Variants in ANKRD44 observed in about 807,000 individuals in gnomAD.
ANKRD44 encodes the protein ankyrin repeat domain 44.
A neutral mutation model predicts 116.0 loss-of-function variants in ANKRD44; 35 were observed. The observed-to-expected ratio is 0.30, with a 90% CI of 0.23 to 0.40. ANKRD44 has a LOEUF of 0.40. Among genes scored for constraint, ANKRD44 ranks in the 10% least tolerant of loss-of-function variants. ANKRD44 has a pLI of 1.00. For missense variants in ANKRD44, 1,014 were observed against 1,242.6 expected, an observed-to-expected ratio of 0.82 and a Z score of 2.77; for synonymous variants, 435 against 461.8, an observed-to-expected ratio of 0.94 and a Z score of 0.74.
intron 3 of ANKRD44, among the ~76,000 whole-genome samples, chr2:197,146,589 A>C (rs765682825): frequency 6.6e-6 from 1 of 150,384 alleles, no homozygotes; most frequent in Non-Finnish European, 1.5e-5. Flanking sequence ...TAGTGTATAC[A>C]TGCTATACAT....
In ANKRD44 at chr2:197,099,939, G is replaced by A; in HGVS notation, c.986-9C>T. 1.2e-6 allele frequency: 2 copies of A among 1,612,798 alleles called. No individual in the cohort carries two copies. The highest frequency in any genetic ancestry group is 1.3e-5 in the African/African-American group (1 of 74,998). On this transcript the variant is annotated splice_polypyrimidine_tract_variant and intron_variant, in intron 9 of 27. Transcript: ENST00000282272. ...ACAGTCAATTTCACCTCCTGAAAGA[G>A]ATATTTTAATACAGGATAACGCAAG...
At position 196,995,463 on chromosome 2, in the gene ANKRD44, TA is replaced by T. The variant is rs759262120; in HGVS notation, c.2749-3del. On this transcript the variant is annotated splice_polypyrimidine_tract_variant and splice_region_variant and intron_variant, in intron 25 of 27. Coordinates refer to ENST00000282272, the MANE Select transcript of ANKRD44 (RefSeq NM_001195144.2). ...TAACAAGGCACATTTTTCATGACCC[TA>T]ATAAAGAAAAAGAATGATAAGAAAT... 15 of 1,594,242 alleles carry T rather than the reference TA, an allele frequency of 9.4e-6. No homozygotes were observed. In the African/African-American group the frequency reaches 1.9e-4, roughly 20 times the overall value.
intron 4 of ANKRD44, chr2:197,136,339 T>A: frequency 1.9e-6 from 1 of 521,512 alleles, no homozygotes; most frequent in Non-Finnish European, 3.4e-6. Flanking sequence ...CTTTGCCTCC[T>A]CCCCAGGCTG....
chr2:197,230,435 C>G (rs2081831030), intron 1 of ANKRD44, among the ~76,000 whole-genome samples: 1 of 152,014 alleles, frequency 6.6e-6, no homozygotes, highest in African/African-American at 2.4e-5. Context: ...CTCATCCCTT[C>G]CAATAAAGAT....
chr2:197,113,431 T>C (rs928964473), intron 8 of ANKRD44, among the ~76,000 whole-genome samples: 12 of 152,246 alleles, frequency 7.9e-5, no homozygotes, highest in African/African-American at 2.4e-4. Flanking sequence ...TAAATTTTGC[T>C]CCAGTGTTTT....
At position 197,285,499 on chromosome 2, in the gene ANKRD44, G is replaced by A. The variant is rs151193666; in HGVS notation, c.27+25079C>T. Among the ~76,000 whole-genome samples the A allele has an allele frequency of 3.4e-3, 524 of 152,260 alleles. 3 individuals carry two copies. Among genetic ancestry groups the A allele is most frequent in the Middle Eastern group, 0.034 (10 of 294 alleles). On this transcript the variant is annotated intron_variant, in intron 1 of 27. Coordinates refer to ENST00000282272, the MANE Select transcript of ANKRD44 (RefSeq NM_001195144.2). The stretch of plus-strand genomic sequence containing the variant: ...TTCTAGTTGACGCTGAAGCCTTAAT[G>A]CTTGACTCTAATGGAGGAGTCACTC...
chr2:197,122,886 C>A, intron 6 of ANKRD44, 94 bp from the exon 7 acceptor site: 1 of 1,440,288 alleles, frequency 6.9e-7, no homozygotes, highest in Non-Finnish European at 9.3e-7. Context: ...GCTTTCATCG[C>A]CACCAGTATT....
intron 16 of ANKRD44, among the ~76,000 whole-genome samples, chr2:197,045,963 C>T (rs939301767): frequency 6.6e-6 from 1 of 152,120 alleles, no homozygotes. Context: ...CAGAGATAAC[C>T]AACCGACATT....
intron 9 of ANKRD44, among the ~76,000 whole-genome samples, 174 bp downstream of exon 9, chr2:197,110,592 T>G (rs2078542128): frequency 6.6e-6 from 1 of 152,232 alleles, no homozygotes. Flanking sequence ...TTAAGGTGGA[T>G]GTTGATGACA....
intron 9 of ANKRD44, 105 bp downstream of exon 9, chr2:197,110,661 T>TGC: frequency 1.1e-6 from 1 of 925,704 alleles, no homozygotes; most frequent in African/African-American, 1.6e-5. Context: ...GCATGCTTAC[T>TGC]AAAACTCCAA....
chr2:197,030,526 A>G (rs2076685456), intron 16 of ANKRD44, among the ~76,000 whole-genome samples: 1 of 152,164 alleles, frequency 6.6e-6, no homozygotes, highest in African/African-American at 2.4e-5. Context: ...ACTGTCCCCG[A>G]ACATCAGCTA....
intron 1 of ANKRD44, among the ~76,000 whole-genome samples, chr2:197,282,170 G>A (rs1038631875): frequency 2.0e-5 from 3 of 152,112 alleles, no homozygotes; most frequent in Non-Finnish European, 2.9e-5. Flanking sequence ...AGAGAATGGC[G>A]TGAACCTGGG....
intron 2 of ANKRD44, among the ~76,000 whole-genome samples, chr2:197,152,870 T>A (rs2079690607): frequency 6.6e-6 from 1 of 152,088 alleles, no homozygotes; most frequent in Admixed American, 6.5e-5. Flanking sequence ...ATATCTTACA[T>A]ACCAAGACAG....
intron 25 of ANKRD44, among the ~76,000 whole-genome samples, chr2:196,996,277 A>T (rs2076010224): frequency 6.6e-6 from 1 of 152,230 alleles, no homozygotes; most frequent in Admixed American, 6.5e-5. Flanking sequence ...AAAGCATTGC[A>T]CTTATATTCA....
At chr2:197,284,488 G>A (rs1022332443) in intron 1 of ANKRD44, among the ~76,000 whole-genome samples, 11 of 145,250 alleles carry the variant, frequency 7.6e-5, no homozygotes, top group African/African-American at 2.4e-4. Context: ...AAGAACTCAC[G>A]GCAACAGAGA....
At chr2:196,996,676 G>A (rs966069715) in intron 25 of ANKRD44, among the ~76,000 whole-genome samples, 6 of 152,034 alleles carry the variant, frequency 3.9e-5, no homozygotes, top group East Asian at 3.9e-4. Context: ...ATGCCAAGGC[G>A]GGCGGATCAC....
At position 197,186,635 on chromosome 2, in the gene ANKRD44, T is replaced by C. The variant is rs868261724; in HGVS notation, c.111+388A>G. The stretch of plus-strand genomic sequence containing the variant: ...TTCTTTTTTTTTTTTTTTTTTTTTT[T>C]TTTTTTTTTTTTAGAGACAGAGTTT... On this transcript the variant is annotated intron_variant, in intron 2 of 27. Transcript: ENST00000282272. Among the ~76,000 whole-genome samples, 137 of 112,014 alleles carry C rather than the reference T, an allele frequency of 1.2e-3. 2 individuals carry two copies. Among genetic ancestry groups the C allele is most frequent in the African/African-American group, 6.3e-3 (125 of 19,908 alleles). The allele number at this position is 112,014 out of a possible 152,430, so 73.5% of individuals were successfully genotyped here.
At chr2:197,299,730 T>G (rs2083840301) in intron 1 of ANKRD44, among the ~76,000 whole-genome samples, 1 of 152,148 alleles carries the variant, frequency 6.6e-6, no homozygotes, top group Non-Finnish European at 1.5e-5. Context: ...TGGGTACAGT[T>G]CTTTAGTGGT....
chr2:197,229,502 A>C (rs1243630372), intron 1 of ANKRD44, among the ~76,000 whole-genome samples: 1 of 152,230 alleles, frequency 6.6e-6, no homozygotes. Flanking sequence ...GGAAGATAGA[A>C]GACTTAATGA....
Sources: gnomAD v4.1 joint callset for allele counts (sites outside exome capture counted in the v4.1 genomes callset) on GRCh38, gnomAD v4.1.1 for gene constraint, MANE v1.5 for transcripts, NCBI Gene and HGNC (gene_info 2026-07-23, HGNC 2026-07-21) for gene names.